RAD51B: variants seen among roughly 807,000 people sequenced by gnomAD.
RAD51B encodes DNA repair protein RAD51 homolog 2.
RAD51B carries 38 observed loss-of-function variants against 42.2 expected under a neutral mutation model. The ratio of observed to expected loss-of-function variants is 0.90; its 90% CI spans 0.70 to 1.18. The LOEUF is 1.18. RAD51B is among the 50% of genes most tolerant of loss of function. The pLI, the probability that RAD51B is intolerant of heterozygous loss-of-function variation, is 0.00. For missense variants in RAD51B, 373 were observed against 400.7 expected, an observed-to-expected ratio of 0.93 and a Z score of 0.59; for synonymous variants, 154 against 145.2, an observed-to-expected ratio of 1.06 and a Z score of -0.43.
At chr14:67,927,785 A>AT (rs1332025885) in intron 7 of RAD51B, among the ~76,000 whole-genome samples, 1 of 148,884 alleles carries the variant, frequency 6.7e-6, no homozygotes. Flanking sequence ...ACACATATAT[A>AT]ATGTGTGTGT....
At chr14:68,547,596 G>A (rs559183403) in intron 10 of RAD51B, among the ~76,000 whole-genome samples, 5 of 152,338 alleles carry the variant, frequency 3.3e-5, no homozygotes, top group Non-Finnish European at 7.4e-5. Flanking sequence ...ACTGGCCTTA[G>A]AGTCCACAAG....
intron 7 of RAD51B, among the ~76,000 whole-genome samples, chr14:68,017,456 A>G (rs991440517): frequency 1.1e-4 from 17 of 152,156 alleles, no homozygotes; most frequent in African/African-American, 4.1e-4. Flanking sequence ...TTGGCCTCCC[A>G]AAGTGCTAGG....
intron 9 of RAD51B, among the ~76,000 whole-genome samples, chr14:68,458,698 A>G (rs1344351865): frequency 6.7e-6 from 1 of 149,654 alleles, no homozygotes; most frequent in Non-Finnish European, 1.5e-5. Flanking sequence ...ATTATATTGT[A>G]TATTATTATT....
chr14:67,821,736 G>A (rs957191276), intron 1 of RAD51B, among the ~76,000 whole-genome samples: 1 of 152,072 alleles, frequency 6.6e-6, no homozygotes, highest in Non-Finnish European at 1.5e-5. Flanking sequence ...TGCTGGGATT[G>A]TAGGCGTGAG....
In RAD51B at chr14:68,332,172, C is replaced by T. The variant is rs940739256; in HGVS notation, c.853+40192C>T. On this transcript the variant is annotated intron_variant, in intron 8 of 10. Transcript: ENST00000471583. ...TGTCTTGTTGAAAGATTCAGGATAT[C>T]AGATTCTCTCCCATAATTTCCTTTC... Among the ~76,000 whole-genome samples the T allele has an allele frequency of 7.9e-5, 12 of 152,288 alleles. No homozygotes were observed. In the South Asian group the frequency reaches 2.3e-3, roughly 29 times the overall value.
rs765899 is a variant in RAD51B at position 68,497,029 on chromosome 14, C to T, written c.1036+28779C>T. On this transcript the variant is annotated intron_variant, in intron 10 of 10. Transcript: ENST00000487270. ...GCATGAACTTTTTTCCCCATAACTT[C>T]AATAAACAACAGTTTTAGCCTCAGT... is the stretch of plus-strand genomic sequence containing the variant. The T allele has an allele frequency of 0.39, 465,419 of 1,199,680 alleles. 94,871 individuals carry two copies. Among genetic ancestry groups the T allele is most frequent in the South Asian group, 0.56 (41,445 of 73,588 alleles). The allele number at this position is 1,199,680 out of a possible 1,614,324, so 74.3% of individuals were successfully genotyped here. A position where few individuals can be genotyped will look rare whatever the true frequency, so the allele number is the denominator to read the frequency against.
intron 10 of RAD51B, among the ~76,000 whole-genome samples, chr14:68,582,661 C>G (rs1300974052): frequency 4.6e-5 from 7 of 152,104 alleles, no homozygotes. Context: ...GGGTATATAC[C>G]CAAAGGATTA....
At chr14:68,118,319 A>G (rs1028270895) in intron 7 of RAD51B, among the ~76,000 whole-genome samples, 2 of 152,126 alleles carry the variant, frequency 1.3e-5, no homozygotes, top group Non-Finnish European at 2.9e-5. Flanking sequence ...TTTCCCCACT[A>G]ATATCCTTTT....
intron 8 of RAD51B, among the ~76,000 whole-genome samples, chr14:68,408,874 A>G (rs1297985139): frequency 6.6e-6 from 1 of 152,188 alleles, no homozygotes; most frequent in Non-Finnish European, 1.5e-5. Context: ...TGCCCCCTTG[A>G]GATCCTGGAT....
At chr14:68,672,598 G>C (rs1003198766) in intron 11 of RAD51B, among the ~76,000 whole-genome samples, 1 of 152,176 alleles carries the variant, frequency 6.6e-6, no homozygotes, top group African/African-American at 2.4e-5. Context: ...TAAACAAAGG[G>C]TGGGAACCTA....
chr14:67,987,588 C>CT (rs538236023), intron 7 of RAD51B, among the ~76,000 whole-genome samples: 1,900 of 150,958 alleles, frequency 0.013, 25 homozygotes, highest in African/African-American at 0.035. Context: ...CTTAGAAGAT[C>CT]TTTTTTTTTC....
At chr14:68,316,137 G>A (rs540176757) in intron 8 of RAD51B, among the ~76,000 whole-genome samples, 1 of 152,246 alleles carries the variant, frequency 6.6e-6, no homozygotes, top group South Asian at 2.1e-4. Flanking sequence ...AACTTAAATG[G>A]GTTACAAGAA....
intron 10 of RAD51B, among the ~76,000 whole-genome samples, chr14:68,472,482 G>A (rs1321296270): frequency 2.6e-5 from 4 of 152,164 alleles, no homozygotes; most frequent in African/African-American, 9.7e-5. Flanking sequence ...AGGTCCAGGG[G>A]AATGAAGGGT....
intron 4 of RAD51B, among the ~76,000 whole-genome samples, chr14:67,855,275 G>C (rs2041951767): frequency 6.6e-6 from 1 of 151,808 alleles, no homozygotes. Flanking sequence ...CTGTTGCACA[G>C]GCTGGAGTGC....
intron 10 of RAD51B, among the ~76,000 whole-genome samples, chr14:68,487,346 A>G (rs1883708694): frequency 2.0e-5 from 3 of 152,138 alleles, no homozygotes; most frequent in East Asian, 3.9e-4. Flanking sequence ...CTATTGGATT[A>G]GAACTAGTAT....
At chr14:68,145,974 C>T (rs558320170) in intron 7 of RAD51B, among the ~76,000 whole-genome samples, 1 of 152,242 alleles carries the variant, frequency 6.6e-6, no homozygotes, top group South Asian at 2.1e-4. Flanking sequence ...ATGTGATGAA[C>T]AGCTTCAGTG....
chr14:68,036,881 A>T lies in RAD51B; in HGVS notation c.756+149677A>T, dbSNP rs1429787699. Among the ~76,000 whole-genome samples, 4 of 152,218 alleles carry T rather than the reference A, an allele frequency of 2.6e-5. No individual in the cohort carries two copies. In the East Asian group the frequency reaches 7.7e-4, roughly 29 times the overall value. On this transcript the variant is annotated intron_variant, in intron 7 of 10. Coordinates refer to ENST00000471583, the MANE Select transcript of RAD51B (RefSeq NM_133510.4). ...TGTTTGCCCTATGACAAATATTTTT[A>T]AAAATAATTTTCAACTGTATTTTTA...
intron 9 of RAD51B, among the ~76,000 whole-genome samples, chr14:68,452,425 C>T (rs2085579616): frequency 2.0e-5 from 3 of 152,126 alleles, no homozygotes; most frequent in African/African-American, 2.4e-5. Context: ...TATTTGATGG[C>T]GATGAGCTTA....
intron 10 of RAD51B, among the ~76,000 whole-genome samples, chr14:68,559,329 G>C (rs2140013936): frequency 6.6e-6 from 1 of 151,380 alleles, no homozygotes; most frequent in Non-Finnish European, 1.5e-5. Context: ...TCATACATAT[G>C]ACACGATATG....
Sources: allele counts gnomAD v4.1 joint callset (sites outside exome capture counted in the v4.1 genomes callset), GRCh38; gene constraint gnomAD v4.1.1; transcripts MANE v1.5; gene names NCBI Gene and HGNC (gene_info 2026-07-23, HGNC 2026-07-21).